Variants in DNMT3L observed in about 807,000 individuals in gnomAD.
DNMT3L encodes the protein DNA methyltransferase 3 like.
Under a neutral mutation model 36.2 loss-of-function variants are expected in DNMT3L, and 33 were observed. The ratio of observed to expected loss-of-function variants is 0.91; its 90% CI spans 0.69 to 1.22. The LOEUF (loss-of-function observed/expected upper bound fraction) is 1.22. Among genes scored for constraint, DNMT3L ranks in the 50% most tolerant of loss-of-function variants. DNMT3L has a pLI of 0.00. For missense variants in DNMT3L, 310 were observed against 303.1 expected, an observed-to-expected ratio of 1.02 and a Z score of -0.17; for synonymous variants, 117 against 121.7, an observed-to-expected ratio of 0.96 and a Z score of 0.26.
At chr21:44,260,751 C>T in intron 3 of DNMT3L, 44 bp downstream of exon 3, 1 of 1,612,310 alleles carries the variant, frequency 6.2e-7, no homozygotes, top group Non-Finnish European at 8.5e-7. Context: ...AGCCACTGTG[C>T]CCCGTCTCTT....
Position 44,256,079 on chromosome 21 carries a change from C to T in DNMT3L, c.592G>A (p.Asp198Asn). 1 of 1,613,942 alleles carries T rather than the reference C, an allele frequency of 6.2e-7. No homozygotes were observed. Among genetic ancestry groups the T allele is most frequent in the Non-Finnish European group, 8.5e-7 (1 of 1,180,004 alleles). The change falls in exon 7 of 12, where the codon GAC (aspartate) becomes AAC (asparagine). Residue 198 changes from aspartate (D) to asparagine (N), a missense_variant. Transcript: ENST00000628202. ...ATCACTGACTCACCTTTCTTGATGT[C>T]TTCAAAAAGGGACAGCACCCGGACT... ...QPVRVLSLFEDIKKELTSLGF... is the reference protein window; with the variant it reads ...QPVRVLSLFENIKKELTSLGF...
At chr21:44,256,031 C>A (rs1317061889) in intron 7 of DNMT3L, 36 bp downstream of exon 7, 1 of 1,610,916 alleles carries the variant, frequency 6.2e-7, no homozygotes. Context: ...TTAGAGGCAT[C>A]TTTCCATGTG....
rs1296522206 is a variant in DNMT3L, at chr21:44,259,797, A to C, written c.152-86T>G. The C allele has an allele frequency of 6.4e-6, 9 of 1,395,576 alleles. No homozygotes were observed. In the Admixed American group the frequency reaches 1.6e-4, roughly 24 times the overall value. 86.4% of individuals were successfully genotyped at this position (1,395,576 alleles called of 1,614,324 possible). A position where few individuals can be genotyped will look rare whatever the true frequency, so the allele number is the denominator to read the frequency against. The stretch of plus-strand genomic sequence containing the variant: ...TAGGAATAAATTTAGCCAAACAAAT[A>C]TGAGACTTATACACTGAAAACTGCA... On this transcript the variant is annotated intron_variant, in intron 3 of 11. Transcript: ENST00000628202.
chr21:44,261,312 C>G (rs2040317092), intron 1 of DNMT3L, 46 bp from the exon 2 acceptor site: 1 of 1,571,348 alleles, frequency 6.4e-7, no homozygotes, highest in Non-Finnish European at 8.7e-7. Flanking sequence ...CCGTCAGCCC[C>G]TGCTCAGATC....
chr21:44,258,735 C>T lies in DNMT3L; in HGVS notation c.345-41G>A, dbSNP rs773040467. The T allele has an allele frequency of 5.0e-6, 8 of 1,598,298 alleles. No homozygotes were observed. The highest frequency in any genetic ancestry group is 2.3e-5 in the East Asian group (1 of 44,418). On this transcript the variant is annotated intron_variant, in intron 5 of 11. Transcript: ENST00000628202. This position sits in a 1 kb window ranked among gnomAD's most constrained non-coding sequence, Gnocchi z 6.2. ...AAACCACAGCAGCGGACATGACAGC[C>T]CACCTCTCCTGAGGATGGCAGAGGT...
rs774517051 is a variant in DNMT3L, at chr21:44,258,398, T to C, written c.516+125A>G. The C allele has an allele frequency of 6.1e-6, 8 of 1,316,434 alleles. No homozygotes were observed. Among genetic ancestry groups the C allele is most frequent in the Non-Finnish European group, 7.1e-6 (7 of 989,482 alleles). The allele number at this position is 1,316,434 out of a possible 1,614,324, so 81.5% of individuals were successfully genotyped here. ...TATCGGAGAGGAACCCAGGAAAGAG[T>C]GTTTGCTCCCGAGGCTGCAGCCGTG... On this transcript the variant is annotated intron_variant, in intron 6 of 11. Transcript: ENST00000628202. The surrounding 1 kb of genome is among the most constrained non-coding windows in gnomAD (Gnocchi z 6.2).
In DNMT3L at chr21:44,254,887, G is replaced by A. The variant is rs557159495; in HGVS notation, c.605-182C>T. 3.9e-5 allele frequency among the ~76,000 whole-genome samples: 6 copies of A among 152,282 alleles called. No homozygotes were observed. The South Asian group carries it at 1.0e-3, about 26-fold the overall frequency. On this transcript the variant is annotated intron_variant, in intron 7 of 11. Transcript: ENST00000628202. ...GTCGCCCAGGCTGGAGCGCAGTGGC[G>A]TGATCTTGGCTCACTGCAACCTCCG...
At chr21:44,260,458 G>A (rs1404907650) in intron 3 of DNMT3L, among the ~76,000 whole-genome samples, 4 of 152,084 alleles carry the variant, frequency 2.6e-5, no homozygotes, top group African/African-American at 9.7e-5. Flanking sequence ...GTGGCACAGT[G>A]GTGTCCACTG....
intron 7 of DNMT3L, 55 bp from the exon 8 acceptor site, chr21:44,254,760 CA>C (rs1418188085): frequency 6.3e-7 from 1 of 1,580,780 alleles, no homozygotes; most frequent in East Asian, 2.2e-5. Context: ...TGTGCCCCTA[CA>C]GGGACTCGAA....
chr21:44,260,674 T>C lies in DNMT3L; in HGVS notation c.151+121A>G. ...AGTCTCACTATGTTGCCTAGGCTGG[T>C]CTCAAACTCCTGGGCTCAAATGATC... On this transcript the variant is annotated intron_variant, in intron 3 of 11. Coordinates refer to ENST00000628202, the MANE Select transcript of DNMT3L (RefSeq NM_175867.3). 4 of 1,306,104 alleles carry C rather than the reference T, an allele frequency of 3.1e-6. 1 individual carries two copies. In the Admixed American group the frequency reaches 5.3e-5, roughly 17 times the overall value. The allele number at this position is 1,306,104 out of a possible 1,614,324, so 80.9% of individuals were successfully genotyped here.
intron 6 of DNMT3L, among the ~76,000 whole-genome samples, chr21:44,256,545 C>T (rs905237700): frequency 6.6e-6 from 1 of 151,768 alleles, no homozygotes; most frequent in African/African-American, 2.4e-5. Flanking sequence ...CTGCTTCACC[C>T]TCCCGAGTAG....
rs1169985479 is a variant in DNMT3L, at chr21:44,261,779, G to A, written c.-47C>T. The A allele has an allele frequency of 1.9e-5, 3 of 154,984 alleles. No individual in the cohort carries two copies. The highest frequency in any genetic ancestry group is 7.2e-5 in the African/African-American group (3 of 41,460). 9.6% of individuals were successfully genotyped at this position (154,984 alleles called of 1,614,324 possible). ...GGCTCCGGGTACAGCCAGCTGGTGGGTTCAAGGTTCCAGTGGTCCGGGGCT... is the reference window on the plus strand; with the variant it reads ...GGCTCCGGGTACAGCCAGCTGGTGGATTCAAGGTTCCAGTGGTCCGGGGCT... On this transcript the variant is annotated 5_prime_UTR_variant, in exon 1 of 12. Coordinates refer to ENST00000628202, the MANE Select transcript of DNMT3L (RefSeq NM_175867.3).
At chr21:44,260,862 G>A in intron 2 of DNMT3L, 23 bp from the exon 3 acceptor site, 2 of 1,612,968 alleles carry the variant, frequency 1.2e-6, no homozygotes, top group Non-Finnish European at 1.7e-6. Flanking sequence ...ATAAGAAGTA[G>A]CCCCTTTCTT....
chr21:44,256,419 A>ATTTTT lies in DNMT3L; in HGVS notation c.517-270_517-266dup, dbSNP rs937821792. Among the ~76,000 whole-genome samples the ATTTTT allele has an allele frequency of 4.9e-3, 506 of 103,756 alleles. 15 individuals are homozygous for ATTTTT. Among genetic ancestry groups the ATTTTT allele is most frequent in the African/African-American group, 0.018 (448 of 24,822 alleles). 68.1% of individuals were successfully genotyped at this position (103,756 alleles called of 152,430 possible). A position where few individuals can be genotyped will look rare whatever the true frequency, so the allele number is the denominator to read the frequency against. On this transcript the variant is annotated intron_variant, in intron 6 of 11. Transcript: ENST00000628202. ...ACAGTAGGTGTGGAGGGGTTTGCTGATTTTTTTTTTTTTTTTTTTTTTGAG... is the reference window on the plus strand; with the variant it reads ...ACAGTAGGTGTGGAGGGGTTTGCTGATTTTTTTTTTTTTTTTTTTTTTTTTTTGAG...
In DNMT3L at chr21:44,258,459, C is replaced by G; in HGVS notation, c.516+64G>C. ...GCGCGCCTGCATTCTGCAGCGGGAA[C>G]CGAGGGAAGGCCGTAAGTCAGGGCC... On this transcript the variant is annotated intron_variant, in intron 6 of 11. Coordinates refer to ENST00000628202, the MANE Select transcript of DNMT3L (RefSeq NM_175867.3). This position sits in a 1 kb window ranked among gnomAD's most constrained non-coding sequence, Gnocchi z 6.2. 1 of 1,477,128 alleles carries G rather than the reference C, an allele frequency of 6.8e-7. No individual in the cohort carries two copies. The highest frequency in any genetic ancestry group is 1.4e-5 in the South Asian group (1 of 73,550). The allele number at this position is 1,477,128 out of a possible 1,614,324, so 91.5% of individuals were successfully genotyped here.
chr21:44,254,428 C>T (rs1601949696), intron 8 of DNMT3L, among the ~76,000 whole-genome samples, 189 bp downstream of exon 8: 2 of 152,196 alleles, frequency 1.3e-5, no homozygotes. Flanking sequence ...GGTGGCTGGG[C>T]CGGCGGGGTT....
intron 7 of DNMT3L, 72 bp from the exon 8 acceptor site, chr21:44,254,777 T>C: frequency 6.7e-7 from 1 of 1,493,386 alleles, no homozygotes; most frequent in Non-Finnish European, 9.2e-7. Context: ...TCGAAAAGGC[T>C]GACGGACGAT....
Position 44,261,042 on chromosome 21 carries a change from C to T in DNMT3L, c.106+112G>A. 7.0e-6 allele frequency: 10 copies of T among 1,430,598 alleles called. No homozygotes were observed. The South Asian group carries it at 1.0e-4, about 14-fold the overall frequency. The allele number at this position is 1,430,598 out of a possible 1,614,324, so 88.6% of individuals were successfully genotyped here. A position where few individuals can be genotyped will look rare whatever the true frequency, so the allele number is the denominator to read the frequency against. On this transcript the variant is annotated intron_variant, in intron 2 of 11. Transcript: ENST00000628202. ...GTGGGTGGGGAACCTCCTGCCCCAG[C>T]CCGGGTGCCTGAATAATGCATGAAT... is the stretch of plus-strand genomic sequence containing the variant.
At position 44,259,653 on chromosome 21, in the gene DNMT3L, T is replaced by C; in HGVS notation, c.210A>G (p.Gly70=). The C allele has an allele frequency of 6.2e-7, 1 of 1,613,148 alleles. No homozygotes were observed. The highest frequency in any genetic ancestry group is 8.5e-7 in the Non-Finnish European group (1 of 1,179,786). ...QVHTQHPLFE[G]GICAPCKDKF... Reference sequence around the variant, plus strand: ...CTACCTTACATGGGGCGCAGATCCCTCCCTCAAACAGAGGGTGCTGTGTGT... The same window carrying C: ...CTACCTTACATGGGGCGCAGATCCCCCCCTCAAACAGAGGGTGCTGTGTGT... Residue 70 remains glycine, a synonymous_variant, in exon 4 of 12, where the codon GGA becomes GGG. Transcript: ENST00000628202.
Sources: allele counts gnomAD v4.1 joint callset (sites outside exome capture counted in the v4.1 genomes callset), GRCh38; gene constraint gnomAD v4.1.1; non-coding constraint Gnocchi (gnomAD v3.1); transcripts MANE v1.5; gene names NCBI Gene and HGNC (gene_info 2026-07-23, HGNC 2026-07-21).